PLCL1: variants seen among roughly 807,000 people sequenced by gnomAD.
The protein encoded by PLCL1 is phospholipase C like 1 (inactive).
A neutral mutation model predicts 84.4 loss-of-function variants in PLCL1; 41 were observed. That is an observed-to-expected ratio of 0.49 (90% CI 0.38 to 0.63). The LOEUF is 0.63. PLCL1 is among the 30% of genes least tolerant of loss of function. The pLI is 0.00. For missense variants in PLCL1, 1,206 were observed against 1,367.8 expected (o/e 0.88, Z 1.87); for synonymous variants, 490 against 488.3 (o/e 1.00, Z -0.05).
At chr2:197,957,091 A>G (rs1163802558) in intron 1 of PLCL1, among the ~76,000 whole-genome samples, 2 of 151,922 alleles carry the variant, frequency 1.3e-5, no homozygotes, top group Non-Finnish European at 2.9e-5. Flanking sequence ...CTTCTATCTT[A>G]TAATCAAGTC....
Position 198,084,761 on chromosome 2 carries a change from C to A in PLCL1, c.1244C>A (p.Thr415Asn). The A allele has an allele frequency of 6.2e-7, 1 of 1,614,076 alleles. No homozygotes were observed. The highest frequency in any genetic ancestry group is 8.5e-7 in the Non-Finnish European group (1 of 1,179,990). The change falls in exon 2 of 6, where the codon ACC (threonine) becomes AAC (asparagine). Residue 415 changes from threonine (T) to asparagine (N), a missense_variant. Physicochemically the swap from Thr to Asn is moderately conservative, Grantham distance 65. Transcript: ENST00000428675. ...TACTATATCAATGCCTCTCATAACACCTATCTAATAGAAGACCAGTTCAGG... is the reference window on the plus strand; with the variant it reads ...TACTATATCAATGCCTCTCATAACAACTATCTAATAGAAGACCAGTTCAGG... ...SHYYINASHNTYLIEDQFRGP... is the reference protein window; with the variant it reads ...SHYYINASHNNYLIEDQFRGP...
chr2:198,050,729 A>T (rs966669447), intron 1 of PLCL1, among the ~76,000 whole-genome samples: 4 of 152,188 alleles, frequency 2.6e-5, no homozygotes, highest in Non-Finnish European at 2.9e-5. Flanking sequence ...TGGAATTAAA[A>T]ATTCCCCTTC....
At chr2:197,815,719 T>C (rs1192804465) in intron 1 of PLCL1, among the ~76,000 whole-genome samples, 5 of 151,986 alleles carry the variant, frequency 3.3e-5, no homozygotes, top group African/African-American at 1.2e-4. Context: ...TTGGAAGAAG[T>C]TGATTCCAAC....
At chr2:197,967,444 C>A (rs1238459951) in intron 1 of PLCL1, among the ~76,000 whole-genome samples, 1 of 152,108 alleles carries the variant, frequency 6.6e-6, no homozygotes, top group Non-Finnish European at 1.5e-5. Context: ...ATAATCTTGA[C>A]CTAAATTTAG....
chr2:197,857,060 T>C (rs1229093597), intron 1 of PLCL1, among the ~76,000 whole-genome samples: 2 of 152,022 alleles, frequency 1.3e-5, no homozygotes, highest in Admixed American at 6.6e-5. Flanking sequence ...TGGGATGATA[T>C]GTGCATCAAA....
chr2:198,097,083 A>G (rs988441011), intron 3 of PLCL1, among the ~76,000 whole-genome samples: 1 of 152,198 alleles, frequency 6.6e-6, no homozygotes, highest in African/African-American at 2.4e-5. Flanking sequence ...GTGGAACTCT[A>G]TTAGTTTGCA....
At chr2:197,808,289 G>A (rs1690520860) in intron 1 of PLCL1, among the ~76,000 whole-genome samples, 1 of 152,104 alleles carries the variant, frequency 6.6e-6, no homozygotes, top group African/African-American at 2.4e-5. Context: ...ATGACTTGTG[G>A]TTTGAAATGA....
chr2:197,851,657 G>A (rs1687240829), intron 1 of PLCL1, among the ~76,000 whole-genome samples: 1 of 152,186 alleles, frequency 6.6e-6, no homozygotes, highest in Non-Finnish European at 1.5e-5. Flanking sequence ...GACAGTGGGG[G>A]AGAAAAGACA....
chr2:197,955,351 A>T (rs1689464391), intron 1 of PLCL1, among the ~76,000 whole-genome samples: 1 of 151,430 alleles, frequency 6.6e-6, no homozygotes, highest in African/African-American at 2.4e-5. Context: ...TGTTCCTATA[A>T]CTCTAGCCAG....
intron 1 of PLCL1, among the ~76,000 whole-genome samples, chr2:198,042,683 G>C (rs1386463087): frequency 6.6e-6 from 1 of 152,180 alleles, no homozygotes; most frequent in Non-Finnish European, 1.5e-5. Flanking sequence ...GGTATGTTGA[G>C]TTTGAGATTA....
intron 1 of PLCL1, among the ~76,000 whole-genome samples, chr2:197,953,963 A>C (rs1559054977): frequency 6.6e-6 from 1 of 152,044 alleles, no homozygotes; most frequent in Non-Finnish European, 1.5e-5. Flanking sequence ...CTTGGCAACA[A>C]TACACATCTC....
intron 1 of PLCL1, among the ~76,000 whole-genome samples, chr2:197,905,367 T>A (rs940452906): frequency 6.6e-5 from 10 of 152,368 alleles, no homozygotes; most frequent in African/African-American, 2.4e-4. Context: ...TGTTCCTGTG[T>A]TAGTTTGCTG....
intron 1 of PLCL1, among the ~76,000 whole-genome samples, chr2:197,979,945 G>A (rs970078930): frequency 6.6e-6 from 1 of 152,142 alleles, no homozygotes; most frequent in Non-Finnish European, 1.5e-5. Flanking sequence ...GTTAAAAAGT[G>A]CTGGGAATTA....
At chr2:198,101,235 C>T (rs745463496) in intron 3 of PLCL1, 50 bp from the exon 4 acceptor site, 3 of 1,084,292 alleles carry the variant, frequency 2.8e-6, no homozygotes, top group East Asian at 4.7e-5. Flanking sequence ...TCCCAATGAG[C>T]CAGTTCAAGG....
At chr2:197,902,034 C>G (rs541494566) in intron 1 of PLCL1, among the ~76,000 whole-genome samples, 3 of 152,222 alleles carry the variant, frequency 2.0e-5, no homozygotes, top group Non-Finnish European at 4.4e-5. Flanking sequence ...CCCTCATAAA[C>G]TCTTATTTTT....
Position 198,085,485 on chromosome 2 carries a change from A to G in PLCL1, c.1968A>G (p.Pro656=), listed in dbSNP as rs563245058. ...GGATCGATTCCAGTAACTTGAATCCACAGGACTTTTGGAATTGTGGCTGTC... is the reference window on the plus strand; with the variant it reads ...GGATCGATTCCAGTAACTTGAATCCGCAGGACTTTTGGAATTGTGGCTGTC... ...AMRIDSSNLN[P]QDFWNCGCQI... is the part of the protein sequence containing the mutation. The change falls in exon 2 of 6, where the codon CCA becomes CCG. Residue 656 remains proline (P), a synonymous_variant. Coordinates refer to ENST00000428675, the MANE Select transcript of PLCL1 (RefSeq NM_006226.4). This position sits in a 1 kb window ranked among gnomAD's most constrained non-coding sequence, Gnocchi z 5.3. 1 of 1,614,094 alleles carries G rather than the reference A, an allele frequency of 6.2e-7. No homozygotes were observed. Among genetic ancestry groups the G allele is most frequent in the South Asian group, 1.1e-5 (1 of 91,084 alleles).
chr2:197,863,828 T>C (rs957512226), intron 1 of PLCL1, among the ~76,000 whole-genome samples: 2 of 152,186 alleles, frequency 1.3e-5, no homozygotes, highest in Non-Finnish European at 2.9e-5. Context: ...ATTAAATTTC[T>C]CTATAAGGAA....
At chr2:198,039,643 T>C (rs1211998870) in intron 1 of PLCL1, among the ~76,000 whole-genome samples, 2 of 152,216 alleles carry the variant, frequency 1.3e-5, no homozygotes, top group East Asian at 3.8e-4. Context: ...GTTAACTGAT[T>C]ATTTTTGTTT....
At chr2:198,136,796 C>T (rs922322895) in intron 5 of PLCL1, among the ~76,000 whole-genome samples, 2 of 152,156 alleles carry the variant, frequency 1.3e-5, no homozygotes, top group Admixed American at 6.6e-5. Flanking sequence ...TCTGAGCCAT[C>T]AGGGCTTATG....
Sources: allele counts gnomAD v4.1 joint callset (sites outside exome capture counted in the v4.1 genomes callset), GRCh38; gene constraint gnomAD v4.1.1; non-coding constraint Gnocchi (gnomAD v3.1); transcripts MANE v1.5; gene names NCBI Gene and HGNC (gene_info 2026-07-23, HGNC 2026-07-21).